ORC4: variants seen among roughly 807,000 people sequenced by gnomAD.
The protein encoded by ORC4 is origin recognition complex, subunit 4 homolog.
In ORC4, 55 loss-of-function variants were observed where a neutral mutation model predicts 63.9. That is an observed-to-expected ratio of 0.86 (90% CI 0.69 to 1.08). ORC4 has a LOEUF of 1.08. ORC4 is among the 50% of genes least tolerant of loss of function. The pLI is 0.00. For synonymous variants in ORC4, 150 were observed against 168.5 expected, an observed-to-expected ratio of 0.89 and a Z score of 0.85; for missense variants, 511 against 504.4, an observed-to-expected ratio of 1.01 and a Z score of -0.13.
chr2:148,005,656 C>CAAAAAAAAAAAAAA (rs55869341), intron 1 of ORC4, among the ~76,000 whole-genome samples: 2 of 51,490 alleles, frequency 3.9e-5, no homozygotes, highest in African/African-American at 1.6e-4. Flanking sequence ...ACTATCCATG[C>CAAAAAAAAAAAAAA]AAAAAAAAAA....
At position 147,938,280 on chromosome 2, in the gene ORC4, A is replaced by C; in HGVS notation, c.1054+18T>G. ...AGTGGGGAAGAGTCAGAAAAAAGCT[A>C]CTTAAGTCTCATCTCACCATTATAG... On this transcript the variant is annotated intron_variant, in intron 12 of 13. Transcript: ENST00000392857. 6.3e-7 allele frequency: 1 copy of C among 1,588,456 alleles called. No individual in the cohort carries two copies. Among genetic ancestry groups the C allele is most frequent in the Non-Finnish European group, 8.6e-7 (1 of 1,156,996 alleles).
chr2:147,976,547 T>C (rs1272835583), intron 1 of ORC4, among the ~76,000 whole-genome samples: 1 of 152,124 alleles, frequency 6.6e-6, no homozygotes, highest in African/African-American at 2.4e-5. Flanking sequence ...TTAAATCTTC[T>C]ATTCACCTTC....
chr2:148,013,263 A>G (rs1161644478), intron 1 of ORC4, among the ~76,000 whole-genome samples: 1 of 152,174 alleles, frequency 6.6e-6, no homozygotes, highest in Non-Finnish European at 1.5e-5. Context: ...AAAAAATGAA[A>G]TCCTGTCATT....
upstream of ORC4, chr2:148,021,479 TGTTGC>T: frequency 3.5e-6 from 2 of 576,754 alleles, no homozygotes; most frequent in Non-Finnish European, 6.7e-6. Flanking sequence ...CTGCTGCTGC[TGTTGC>T]TGCTGCTGCT....
chr2:147,979,476 A>G (rs1690744007), intron 1 of ORC4, among the ~76,000 whole-genome samples: 1 of 152,222 alleles, frequency 6.6e-6, no homozygotes, highest in Non-Finnish European at 1.5e-5. Flanking sequence ...ATGTTCATGG[A>G]CTGAAAGAAT....
intron 1 of ORC4, among the ~76,000 whole-genome samples, chr2:148,013,816 G>T (rs1335479331): frequency 2.0e-5 from 3 of 152,062 alleles, no homozygotes; most frequent in Admixed American, 2.0e-4. Context: ...GACAATTAGG[G>T]TTTTATTTAT....
At chr2:147,970,078 G>T (rs1690123942) in intron 4 of ORC4, among the ~76,000 whole-genome samples, 2 of 151,930 alleles carry the variant, frequency 1.3e-5, no homozygotes, top group South Asian at 2.1e-4. Flanking sequence ...TGAAGACTTA[G>T]AAAAGGAAAT....
At chr2:148,008,759 AG>A (rs1459373884) in intron 1 of ORC4, among the ~76,000 whole-genome samples, 2 of 152,206 alleles carry the variant, frequency 1.3e-5, no homozygotes, top group African/African-American at 4.8e-5. Flanking sequence ...ACAGAGCAGC[AG>A]GGGCCACATA....
At chr2:147,951,964 T>G (rs1275717962) in intron 8 of ORC4, among the ~76,000 whole-genome samples, 1 of 152,224 alleles carries the variant, frequency 6.6e-6, no homozygotes, top group Non-Finnish European at 1.5e-5. Flanking sequence ...TTTCTGGAGA[T>G]GTGTACTTTG....
chr2:147,936,978 C>T (rs529188652), intron 13 of ORC4: 26 of 146,736 alleles, frequency 1.8e-4, no homozygotes, highest in African/African-American at 5.0e-4. Context: ...AGATTGCGCC[C>T]GCCACTGTAC....
intron 4 of ORC4, among the ~76,000 whole-genome samples, chr2:147,970,108 G>A (rs573323382): frequency 9.2e-5 from 14 of 152,046 alleles, no homozygotes; most frequent in African/African-American, 2.7e-4. Flanking sequence ...AGTACTATTC[G>A]CACTAGAACC....
Position 147,943,514 on chromosome 2 carries a change from TGA to T in ORC4, c.769_770del (p.Ser257ArgfsTer3). 1 of 1,566,612 alleles carries T rather than the reference TGA, an allele frequency of 6.4e-7. No individual in the cohort carries two copies. Reference protein sequence around the residue: ...EKWNENVQYLSEDRSVQEVLQ... With the variant: ...EKWNENVQYLXEDRSVQEVLQ... The stretch of plus-strand genomic sequence containing the variant: ...GTACTTCTTGCACACTTCTATCTTC[TGA>T]GAGATACTAAAAGGAAAAAAAAAAA... On this transcript the variant is annotated frameshift_variant, in exon 10 of 14. Transcript: ENST00000392857. LOFTEE classifies it high-confidence loss of function.
chr2:147,973,694 T>G (rs918734198), intron 2 of ORC4, among the ~76,000 whole-genome samples, 170 bp from the exon 3 acceptor site: 3 of 152,128 alleles, frequency 2.0e-5, no homozygotes, highest in Non-Finnish European at 4.4e-5. Flanking sequence ...GTTAAAAAAT[T>G]AATGGATTTC....
At chr2:148,021,439 A>T (rs912942215), upstream of ORC4, 1 of 562,362 alleles carries the variant, frequency 1.8e-6, no homozygotes, top group Non-Finnish European at 3.4e-6. Context: ...GCCTCTTAGC[A>T]ACACAGACCC....
chr2:147,989,910 T>C (rs558693224), intron 1 of ORC4, among the ~76,000 whole-genome samples: 1 of 152,248 alleles, frequency 6.6e-6, no homozygotes, highest in East Asian at 1.9e-4. Context: ...AATACACAAA[T>C]GATCATGTAT....
intron 1 of ORC4, among the ~76,000 whole-genome samples, chr2:147,990,382 CA>C (rs1691508053): frequency 6.6e-6 from 1 of 152,170 alleles, no homozygotes; most frequent in South Asian, 2.1e-4. Flanking sequence ...AATTAGTTTT[CA>C]TTCTTTTTTC....
At chr2:148,015,362 T>TG (rs1457395926) in intron 1 of ORC4, among the ~76,000 whole-genome samples, 4 of 144,412 alleles carry the variant, frequency 2.8e-5, no homozygotes, top group Non-Finnish European at 6.0e-5. Flanking sequence ...TTGCCCAGGC[T>TG]GGGCTGCAGT....
In ORC4 at chr2:147,938,390, A is replaced by G. The variant is rs757684431; in HGVS notation, c.962T>C (p.Leu321Pro). The G allele has an allele frequency of 1.9e-6, 3 of 1,563,926 alleles. No individual in the cohort carries two copies. Among genetic ancestry groups the G allele is most frequent in the Non-Finnish European group, 2.6e-6 (3 of 1,136,180 alleles). ...MDSKANIVHG[L>P]SVLEICLIIA... is the part of the protein sequence containing the mutation. ...TATAAGACAGATTTCCAAGACTGAT[A>G]GACCTACAGTAAAAGGGAAAAAAAA... The change falls in exon 12 of 14, where the codon CTA becomes CCA. Residue 321 changes from leucine (L) to proline (P), a missense_variant. Transcript: ENST00000392857.
Position 147,948,098 on chromosome 2 carries a change from C to A in ORC4, c.715G>T (p.Glu239Ter). 1 of 1,612,132 alleles carries A rather than the reference C, an allele frequency of 6.2e-7. No individual in the cohort carries two copies. Residue 239 changes from glutamate to a stop codon, truncating the protein, a stop_gained, in exon 9 of 14, where the codon GAG becomes TAG. Coordinates refer to ENST00000392857, the MANE Select transcript of ORC4 (RefSeq NM_181741.4). LOFTEE classifies it high-confidence loss of function. Reference protein sequence around the residue: ...IFKEQLSLPAEFPDKVFAEKW... With the variant: ...IFKEQLSLPA ...TCAGCAAAAACCTTGTCTGGAAACTCTGCAGGTAGAGATAACTGTTCTTTA... is the reference window on the plus strand; with the variant it reads ...TCAGCAAAAACCTTGTCTGGAAACTATGCAGGTAGAGATAACTGTTCTTTA...
Sources: allele counts gnomAD v4.1 joint callset (sites outside exome capture counted in the v4.1 genomes callset), GRCh38; gene constraint gnomAD v4.1.1; transcripts MANE v1.5; gene names NCBI Gene and HGNC (gene_info 2026-07-23, HGNC 2026-07-21).